Variants in CNFN observed in about 807,000 individuals in gnomAD.
CNFN encodes the protein cornifelin.
A neutral mutation model predicts 14.9 loss-of-function variants in CNFN; 10 were observed. The ratio of observed to expected loss-of-function variants is 0.67; its 90% confidence interval spans 0.41 to 1.14. The LOEUF (loss-of-function observed/expected upper bound fraction) is 1.14, where lower values mean the gene tolerates loss of function less well. Ranked by LOEUF, CNFN falls within the 50% of genes most tolerant of loss-of-function variation. CNFN has a pLI of 0.00. For missense variants in CNFN, 165 were observed against 152.8 expected, an observed-to-expected ratio of 1.08 and a Z score of -0.42; for synonymous variants, 66 against 60.0, an observed-to-expected ratio of 1.10 and a Z score of -0.46.
chr19:42,388,817 G>T, intron 2 of CNFN, 109 bp downstream of exon 2: 1 of 710,588 alleles, frequency 1.4e-6, no homozygotes. Context: ...AGGGAGGTGG[G>T]AGTGGGGTTA....
In CNFN at chr19:42,389,055, G is replaced by A; in HGVS notation, c.-2-16C>T. On this transcript the variant is annotated splice_polypyrimidine_tract_variant and intron_variant, in intron 1 of 3. Coordinates refer to ENST00000222032, the MANE Select transcript of CNFN (RefSeq NM_032488.4). Reference sequence around the variant, plus strand: ...TAGGACATAGCTGCAGAGGTGGGAGGGTAGGGGTCAGCTGGCAGCCTCGCA... The same window carrying A: ...TAGGACATAGCTGCAGAGGTGGGAGAGTAGGGGTCAGCTGGCAGCCTCGCA... 2 of 1,582,678 alleles carry A rather than the reference G, an allele frequency of 1.3e-6. No homozygotes were observed. The highest frequency in any genetic ancestry group is 1.7e-6 in the Non-Finnish European group (2 of 1,153,376).
intron 2 of CNFN, among the ~76,000 whole-genome samples, chr19:42,388,653 G>A (rs1213514180): frequency 6.6e-6 from 1 of 152,184 alleles, no homozygotes; most frequent in African/African-American, 2.4e-5. Context: ...GTTTGAAGAG[G>A]GAGTTGGGGG....
At position 42,387,376 on chromosome 19, in the gene CNFN, G is replaced by A. The variant is rs1025249905; in HGVS notation, c.213C>T (p.Ser71=). ...AGCGCTCCCGCATGCCGGTGCGGAT[G>A]GAGTGCAGGCCTCCGGGCAGGTAGG... The part of the protein sequence containing the change: ...CAPYLPGGLH[S]IRTGMRERYH... Residue 71 remains serine, a synonymous_variant, in exon 3 of 4, where the codon TCC becomes TCT. Coordinates refer to ENST00000222032, the MANE Select transcript of CNFN (RefSeq NM_032488.4). The A allele has an allele frequency of 3.1e-6, 5 of 1,600,152 alleles. No individual in the cohort carries two copies. In the African/African-American group the frequency reaches 5.4e-5, roughly 17 times the overall value.
chr19:42,389,611 C>G, intron 1 of CNFN: 3 of 758,780 alleles, frequency 4.0e-6, no homozygotes, highest in Non-Finnish European at 5.4e-6. Context: ...ACGCTGGATA[C>G]TGGGGAGGTG....
rs755168622 is a variant in CNFN, at chr19:42,387,488, G to T, written c.113-12C>A. 1.3e-6 allele frequency: 2 copies of T among 1,553,116 alleles called. No individual in the cohort carries two copies. The highest frequency in any genetic ancestry group is 3.8e-5 in the Admixed American group (2 of 52,132). On this transcript the variant is annotated splice_polypyrimidine_tract_variant and intron_variant, in intron 2 of 3. Coordinates refer to ENST00000222032, the MANE Select transcript of CNFN (RefSeq NM_032488.4). ...AGTGCCGCACAGACCTGGGCGGGGC[G>T]CAGGCGCTCAGGGGCGGGGCCAGCC...
intron 3 of CNFN, 45 bp downstream of exon 3, chr19:42,387,295 A>G (rs757126627): frequency 1.2e-6 from 2 of 1,604,940 alleles, no homozygotes; most frequent in South Asian, 1.1e-5. Context: ...CCAGGAGGCC[A>G]GTCCCCAGCT....
At chr19:42,390,060 C>G (rs1568586732) in intron 1 of CNFN, among the ~76,000 whole-genome samples, 180 bp downstream of exon 1, 1 of 152,196 alleles carries the variant, frequency 6.6e-6, no homozygotes, top group Non-Finnish European at 1.5e-5. Flanking sequence ...AAATTCAGCT[C>G]AGCACACCCC....
intron 2 of CNFN, among the ~76,000 whole-genome samples, chr19:42,388,298 A>C (rs954373306): frequency 3.3e-5 from 5 of 150,924 alleles, no homozygotes; most frequent in African/African-American, 1.2e-4. Context: ...GGTTCAATCA[A>C]TTCTCTTTCT....
intron 2 of CNFN, among the ~76,000 whole-genome samples, chr19:42,387,818 A>G (rs1382932366): frequency 6.6e-6 from 1 of 151,068 alleles, no homozygotes; most frequent in Non-Finnish European, 1.5e-5. Context: ...CGTCTCTACT[A>G]AAAATACAAA....
Position 42,387,020 on chromosome 19 carries a change from T to G in CNFN, c.*133A>C. On this transcript the variant is annotated 3_prime_UTR_variant, in exon 4 of 4. Coordinates refer to ENST00000222032, the MANE Select transcript of CNFN (RefSeq NM_032488.4). ...GGGACAAAATGGATGTAGGCGGAGT[T>G]GGTTTTCAGGTTTTTATTGTGGGTG... The G allele has an allele frequency of 1.2e-6, 1 of 817,542 alleles. No individual in the cohort carries two copies. Among genetic ancestry groups the G allele is most frequent in the Non-Finnish European group, 2.0e-6 (1 of 493,940 alleles). The allele number at this position is 817,542 out of a possible 1,614,324, so 50.6% of individuals were successfully genotyped here.
intron 1 of CNFN, 132 bp from the exon 2 acceptor site, chr19:42,389,171 G>A (rs1340716771): frequency 3.0e-6 from 2 of 662,858 alleles, no homozygotes; most frequent in Non-Finnish European, 5.1e-6. Context: ...GGACACCACT[G>A]TGCCTCCCCC....
intron 1 of CNFN, chr19:42,389,660 G>A (rs1189987758): frequency 2.1e-6 from 1 of 477,472 alleles, no homozygotes; most frequent in South Asian, 1.9e-5. Flanking sequence ...GGGCTCTCAG[G>A]GGGAGGGGAG....
intron 2 of CNFN, among the ~76,000 whole-genome samples, chr19:42,388,711 T>G (rs12165114): frequency 0.15 from 22,761 of 151,976 alleles, 2,585 homozygotes; most frequent in African/African-American, 0.32. Flanking sequence ...GAGGGCCTGA[T>G]AAGTTGAGTG....
intron 2 of CNFN, 58 bp downstream of exon 2, chr19:42,388,868 T>C (rs566375481): frequency 1.4e-5 from 18 of 1,316,186 alleles, no homozygotes; most frequent in Admixed American, 1.8e-5. Flanking sequence ...TTCCCTCTCC[T>C]GATTCCCCCC....
intron 2 of CNFN, 116 bp downstream of exon 2, chr19:42,388,806 AAGGG>A: frequency 1.5e-6 from 1 of 664,676 alleles, no homozygotes; most frequent in South Asian, 1.8e-5. Flanking sequence ...AAGTCCAGGG[AAGGG>A]AGGTGGGAGT....
Position 42,388,969 on chromosome 19 carries a change from G to C in CNFN, c.69C>G (p.Asp23Glu), listed in dbSNP as rs886282458. The C allele has an allele frequency of 1.2e-6, 2 of 1,613,946 alleles. No individual in the cohort carries two copies. The highest frequency in any genetic ancestry group is 1.7e-6 in the Non-Finnish European group (2 of 1,180,008). ...AGCAGTCCGTGAGACCTGTGTGCCA[G>C]TCACTGAGCTGGGTCTGGTAGCAGC... is the stretch of plus-strand genomic sequence containing the variant. ...TTSCYQTQLSDWHTGLTDCCN... is the reference protein window; with the variant it reads ...TTSCYQTQLSEWHTGLTDCCN... The change falls in exon 2 of 4, where the codon GAC becomes GAG. Residue 23 changes from aspartate to glutamate, a missense_variant. Transcript: ENST00000222032.
chr19:42,389,314 G>T (rs1271344698), intron 1 of CNFN, among the ~76,000 whole-genome samples: 1 of 152,244 alleles, frequency 6.6e-6, no homozygotes, highest in Non-Finnish European at 1.5e-5. Context: ...ATCTGGGTGG[G>T]GCCTGGCGGT....
At chr19:42,389,666 G>A in intron 1 of CNFN, 1 of 462,360 alleles carries the variant, frequency 2.2e-6, no homozygotes, top group Non-Finnish European at 3.9e-6. Context: ...TCAGGGGGAG[G>A]GGAGCTGGGG....
At chr19:42,387,539 G>GC in intron 2 of CNFN, 63 bp from the exon 3 acceptor site, 2 of 1,337,490 alleles carry the variant, frequency 1.5e-6, no homozygotes, top group African/African-American at 3.0e-5. Flanking sequence ...CTCCGCCCCG[G>GC]GGGGGGCGCG....
Sources: allele counts gnomAD v4.1 joint callset (sites outside exome capture counted in the v4.1 genomes callset), GRCh38; gene constraint gnomAD v4.1.1; transcripts MANE v1.5; gene names NCBI Gene and HGNC (gene_info 2026-07-23, HGNC 2026-07-21).